The following SEPTIN9 variants were observed in gnomAD, a reference collection of about 807,000 sequenced individuals.
SEPTIN9 encodes septin 9.
SEPTIN9 carries 13 observed loss-of-function variants against 56.6 expected under a neutral mutation model. The ratio of observed to expected loss-of-function variants is 0.23; its 90% CI spans 0.15 to 0.37. SEPTIN9 has a LOEUF of 0.37. Among genes scored for constraint, SEPTIN9 ranks in the 10% least tolerant of loss-of-function variants. SEPTIN9 has a pLI of 1.00. For missense variants in SEPTIN9, 650 were observed against 823.1 expected (o/e 0.79, Z 2.57); for synonymous variants, 332 against 334.1 (o/e 0.99, Z 0.07).
rs902949999 is a variant in SEPTIN9 at position 77,339,730 on chromosome 17, G to A, written c.76+32533G>A. ...TCACCATGTTGGCCAGGCTGGTCTC[G>A]AACTCCTGACCTCAGGTGATCCACC... On this transcript the variant is annotated intron_variant, in intron 2 of 11. Coordinates refer to ENST00000427177, the MANE Select transcript of SEPTIN9 (RefSeq NM_001113491.2). Among the ~76,000 whole-genome samples the A allele has an allele frequency of 9.2e-5, 14 of 151,826 alleles. 1 individual carries two copies. In the South Asian group the frequency reaches 1.3e-3, roughly 14 times the overall value.
In SEPTIN9 at chr17:77,446,436, C is replaced by T. The variant is rs149820546; in HGVS notation, c.722-35708C>T. The stretch of plus-strand genomic sequence containing the variant: ...CACAATCTTGGCTCACTGCAGCCTC[C>T]GCCTCCTGGGTTCAAGCGATTCTCC... On this transcript the variant is annotated intron_variant, in intron 3 of 11. Coordinates refer to ENST00000427177, the MANE Select transcript of SEPTIN9 (RefSeq NM_001113491.2). The T allele has an allele frequency of 5.5e-3, 836 of 153,238 alleles. 37 individuals carry two copies. The South Asian group carries it at 0.1, about 19-fold the overall frequency. 9.5% of individuals were successfully genotyped at this position (153,238 alleles called of 1,614,324 possible). A position where few individuals can be genotyped will look rare whatever the true frequency, so the allele number is the denominator to read the frequency against.
Position 77,475,279 on chromosome 17 carries a change from G to C in SEPTIN9, c.722-6865G>C, listed in dbSNP as rs1598432470. The C allele has an allele frequency of 7.1e-7, 1 of 1,407,740 alleles. No homozygotes were observed. Among genetic ancestry groups the C allele is most frequent in the East Asian group, 2.6e-5 (1 of 38,458 alleles). The allele number at this position is 1,407,740 out of a possible 1,614,324, so 87.2% of individuals were successfully genotyped here. On this transcript the variant is annotated intron_variant, in intron 3 of 11. Coordinates refer to ENST00000427177, the MANE Select transcript of SEPTIN9 (RefSeq NM_001113491.2). This position sits in a 1 kb window ranked among gnomAD's most constrained non-coding sequence, Gnocchi z 4.6. ...TGGGGAGACTGTCTGGACGCAGAGA[G>C]CAGGCTCTGTGTGGGAGCGGGGAGG...
Position 77,498,703 on chromosome 17 carries a change from CGT to C in SEPTIN9, c.*46_*47del. 1 of 1,138,560 alleles carries C rather than the reference CGT, an allele frequency of 8.8e-7. No individual in the cohort carries two copies. The allele number at this position is 1,138,560 out of a possible 1,614,324, so 70.5% of individuals were successfully genotyped here. A position where few individuals can be genotyped will look rare whatever the true frequency, so the allele number is the denominator to read the frequency against. ...CGGGATCCTGCCCCCAAGTCATTTC[CGT>C]CCCCCCCCAGGCCCTCCCACCACCC... On this transcript the variant is annotated 3_prime_UTR_variant, in exon 12 of 12. Transcript: ENST00000427177.
intron 3 of SEPTIN9, among the ~76,000 whole-genome samples, chr17:77,413,730 G>A (rs1203214612): frequency 6.6e-6 from 1 of 152,104 alleles, no homozygotes; most frequent in Non-Finnish European, 1.5e-5. Flanking sequence ...CAGGCCAAGG[G>A]CTTCAGGAAT....
At chr17:77,443,797 C>CA (rs34670493) in intron 3 of SEPTIN9, among the ~76,000 whole-genome samples, 9 of 146,356 alleles carry the variant, frequency 6.1e-5, no homozygotes, top group African/African-American at 1.5e-4. Context: ...GACTCCGTCT[C>CA]AAAAAAAAAG....
chr17:77,345,653 G>A (rs2033867720), intron 2 of SEPTIN9, among the ~76,000 whole-genome samples: 1 of 152,180 alleles, frequency 6.6e-6, no homozygotes, highest in Non-Finnish European at 1.5e-5. Flanking sequence ...ACTCAGTACA[G>A]AGCAGGCCCC....
chr17:77,342,328 C>T (rs2060551), intron 2 of SEPTIN9, among the ~76,000 whole-genome samples: 118,064 of 152,084 alleles, frequency 0.78, 46,060 homozygotes, highest in East Asian at 0.99. Context: ...TTCCTTGTCA[C>T]TGTAATGTCG....
At chr17:77,457,222 C>A (rs1283293864) in intron 3 of SEPTIN9, among the ~76,000 whole-genome samples, 2 of 152,296 alleles carry the variant, frequency 1.3e-5, no homozygotes, top group East Asian at 3.9e-4. Flanking sequence ...ACAGCCTCGG[C>A]CCTCGCTCTG....
At position 77,493,072 on chromosome 17, in the gene SEPTIN9, C is replaced by T. The variant is rs41282093; in HGVS notation, c.1569C>T (p.Ile523=). The change falls in exon 10 of 12, where the codon ATC becomes ATT. Residue 523 remains isoleucine, a synonymous_variant. Transcript: ENST00000427177. ...ILGRKTKWGT[I]EVENTTHCEF... ...GGAGGAAGACCAAGTGGGGTACCAT[C>T]GAAGGTACTCGCCGCAGGCGCCGGG... 2.7e-5 allele frequency: 42 copies of T among 1,555,030 alleles called. No individual in the cohort carries two copies. The highest frequency in any genetic ancestry group is 1.7e-4 in the Middle Eastern group (1 of 6,000).
rs149864352 is a variant in SEPTIN9 at position 77,332,030 on chromosome 17, C to T, written c.76+24833C>T. Among the ~76,000 whole-genome samples the T allele has an allele frequency of 7.3e-3, 1,108 of 152,160 alleles. 16 individuals are homozygous for T. The highest frequency in any genetic ancestry group is 0.025 in the African/African-American group (1,052 of 41,496). ...GTGGCTCATGACTGTAATCCCAGCA[C>T]TTTGGGAGGTTGAGGTAGGAGGATC... On this transcript the variant is annotated intron_variant, in intron 2 of 11. Transcript: ENST00000427177.
intron 2 of SEPTIN9, among the ~76,000 whole-genome samples, chr17:77,346,278 CTTTTTTTTT>C (rs577131369): frequency 3.9e-4 from 18 of 46,318 alleles, no homozygotes; most frequent in East Asian, 3.5e-3. Context: ...ATCCTTAGGT[CTTTTTTTTT>C]TTTTTTTTTT....
At position 77,425,804 on chromosome 17, in the gene SEPTIN9, T is replaced by C. The variant is rs1438822414; in HGVS notation, c.721+23101T>C. Reference sequence around the variant, plus strand: ...TACCTGTGTGCTTAGAATCTGTGCGTGGAGCCAGAAGTCACAAGGTTGGCC... The same window carrying C: ...TACCTGTGTGCTTAGAATCTGTGCGCGGAGCCAGAAGTCACAAGGTTGGCC... On this transcript the variant is annotated intron_variant, in intron 3 of 11. Transcript: ENST00000427177. This position sits in a 1 kb window ranked among gnomAD's most constrained non-coding sequence, Gnocchi z 4.2. Among the ~76,000 whole-genome samples the C allele has an allele frequency of 6.7e-6, 1 of 150,120 alleles. No individual in the cohort carries two copies. Among genetic ancestry groups the C allele is most frequent in the Non-Finnish European group, 1.5e-5 (1 of 67,604 alleles).
intron 3 of SEPTIN9, among the ~76,000 whole-genome samples, chr17:77,455,501 A>G (rs1433849802): frequency 6.6e-6 from 1 of 152,196 alleles, no homozygotes; most frequent in Admixed American, 6.5e-5. Flanking sequence ...TGGAATGTGC[A>G]TGGACGTCCT....
intron 10 of SEPTIN9, among the ~76,000 whole-genome samples, chr17:77,496,583 T>C (rs1313551534): frequency 1.3e-5 from 2 of 152,232 alleles, no homozygotes; most frequent in East Asian, 3.8e-4. Flanking sequence ...ATGACCACTC[T>C]GAGATGGCCA....
intron 3 of SEPTIN9, among the ~76,000 whole-genome samples, chr17:77,468,882 A>G (rs1422131970): frequency 6.6e-6 from 1 of 152,182 alleles, no homozygotes; most frequent in Non-Finnish European, 1.5e-5. Flanking sequence ...ATTCGGAGTA[A>G]TGGAAATGGA....
chr17:77,328,745 A>T (rs2033239912), intron 2 of SEPTIN9, among the ~76,000 whole-genome samples: 1 of 152,216 alleles, frequency 6.6e-6, no homozygotes, highest in Admixed American at 6.5e-5. Flanking sequence ...AGCAACAAAG[A>T]CACAGTCGCT....
intron 2 of SEPTIN9, among the ~76,000 whole-genome samples, chr17:77,342,999 GTCTGTCTATCTA>G (rs1302704621): frequency 2.5e-5 from 2 of 80,806 alleles, no homozygotes; most frequent in Non-Finnish European, 4.8e-5. Flanking sequence ...CTGTCTGTCT[GTCTGTCTATCTA>G]TCTATCTATC....
At chr17:77,418,886 G>A (rs1374628587) in intron 3 of SEPTIN9, among the ~76,000 whole-genome samples, 1 of 152,140 alleles carries the variant, frequency 6.6e-6, no homozygotes, top group East Asian at 1.9e-4. Flanking sequence ...GAGGCCCCTG[G>A]AAGCCACAGC....
chr17:77,486,528 A>G (rs538887115), intron 4 of SEPTIN9, among the ~76,000 whole-genome samples: 3,272 of 100,382 alleles, frequency 0.033, 87 homozygotes, highest in African/African-American at 0.11. Context: ...GTGTGCGCGC[A>G]CGCGCGCGCG....
Sources: allele counts gnomAD v4.1 joint callset (sites outside exome capture counted in the v4.1 genomes callset), GRCh38; gene constraint gnomAD v4.1.1; non-coding constraint Gnocchi (gnomAD v3.1); transcripts MANE v1.5; gene names NCBI Gene and HGNC (gene_info 2026-07-23, HGNC 2026-07-21).